The following DYNC2H1 variants were observed in gnomAD, a reference collection of about 807,000 sequenced individuals.
DYNC2H1 encodes the protein cytoplasmic dynein 2 heavy chain 1.
In DYNC2H1, 410 loss-of-function variants were observed where a neutral mutation model predicts 570.0. The ratio of observed to expected loss-of-function variants is 0.72; its 90% confidence interval spans 0.66 to 0.78. DYNC2H1 has a LOEUF of 0.78. Among genes scored for constraint, DYNC2H1 ranks in the 30% least tolerant of loss-of-function variants. DYNC2H1 has a pLI of 0.00. For missense variants in DYNC2H1, 4,865 were observed against 5,046.4 expected (o/e 0.96, Z 1.09); for synonymous variants, 1,688 against 1,677.6 (o/e 1.01, Z -0.15).
chr11:103,115,790 A>C (rs1858358004), intron 4 of DYNC2H1, among the ~76,000 whole-genome samples: 1 of 152,194 alleles, frequency 6.6e-6, no homozygotes, highest in African/African-American at 2.4e-5. Flanking sequence ...CATCTCTAGA[A>C]AAAAACAAAA....
chr11:103,476,360 T>A (rs1409373502), intron 88 of DYNC2H1, among the ~76,000 whole-genome samples: 3 of 152,204 alleles, frequency 2.0e-5, no homozygotes, highest in African/African-American at 4.8e-5. Flanking sequence ...GTATATATTT[T>A]CCCAAAACTT....
intron 82 of DYNC2H1, among the ~76,000 whole-genome samples, chr11:103,344,084 C>T (rs1019480648): frequency 2.0e-5 from 3 of 152,196 alleles, no homozygotes; most frequent in African/African-American, 7.2e-5. Flanking sequence ...AACTTTGGTG[C>T]AGACCCTTTT....
chr11:103,396,180 T>G (rs1261470907), intron 83 of DYNC2H1, among the ~76,000 whole-genome samples: 1 of 152,220 alleles, frequency 6.6e-6, no homozygotes, highest in Non-Finnish European at 1.5e-5. Context: ...TGAATTTCAC[T>G]GAGTCACATA....
chr11:103,152,113 G>GTTTTTTT, intron 20 of DYNC2H1, 23 bp from the exon 21 acceptor site: 2 of 1,369,196 alleles, frequency 1.5e-6, no homozygotes, highest in East Asian at 2.5e-5. Flanking sequence ...TATTCAATTT[G>GTTTTTTT]TTTTTTTTTT....
intron 31 of DYNC2H1, among the ~76,000 whole-genome samples, chr11:103,167,416 T>G (rs536965543): frequency 1.3e-5 from 2 of 152,130 alleles, no homozygotes; most frequent in South Asian, 4.1e-4. Flanking sequence ...TACAGACATG[T>G]GTCATCATGG....
intron 48 of DYNC2H1, 26 bp downstream of exon 48, chr11:103,198,089 C>A (rs1007424466): frequency 6.5e-7 from 1 of 1,546,152 alleles, no homozygotes; most frequent in Admixed American, 2.0e-5. Context: ...TTAATTGGAA[C>A]TGGGATTTGG....
At chr11:103,135,093 C>A (rs890412889) in intron 15 of DYNC2H1, among the ~76,000 whole-genome samples, 2 of 151,720 alleles carry the variant, frequency 1.3e-5, no homozygotes, top group Non-Finnish European at 2.9e-5. Flanking sequence ...TTTTAAAATA[C>A]GTAGTAGATT....
intron 85 of DYNC2H1, among the ~76,000 whole-genome samples, chr11:103,448,881 A>G (rs1345082262): frequency 1.3e-5 from 2 of 151,986 alleles, no homozygotes; most frequent in African/African-American, 2.4e-5. Context: ...AATTCCAGGT[A>G]TAAAACTATA....
intron 82 of DYNC2H1, among the ~76,000 whole-genome samples, chr11:103,328,139 T>C (rs571380550): frequency 3.0e-4 from 45 of 152,346 alleles, no homozygotes; most frequent in African/African-American, 1.0e-3. Context: ...TGCCTTAGTA[T>C]TCCAATTTTT....
At chr11:103,253,922 T>C (rs1864940022) in intron 66 of DYNC2H1, among the ~76,000 whole-genome samples, 1 of 152,134 alleles carries the variant, frequency 6.6e-6, no homozygotes, top group Non-Finnish European at 1.5e-5. Flanking sequence ...TTCAGAATTA[T>C]TACATAAATT....
At chr11:103,180,983 C>T (rs1039957502) in intron 39 of DYNC2H1, among the ~76,000 whole-genome samples, 1 of 151,266 alleles carries the variant, frequency 6.6e-6, no homozygotes. Flanking sequence ...TGACAAAAAT[C>T]GTGAGGTCTT....
Position 103,209,926 on chromosome 11 carries a change from T to C in DYNC2H1, c.8505T>C (p.Asp2835=), listed in dbSNP as rs1212781685. Residue 2835 remains aspartate (D), a synonymous_variant, in exon 53 of 89, where the codon GAT becomes GAC. Transcript: ENST00000375735. This position sits in a 1 kb window ranked among gnomAD's most constrained non-coding sequence, Gnocchi z 4.2. Reference sequence around the variant, plus strand: ...CAGGTGGTGGAGAAAAATACAATGATAAAAAACGAAAAGAAGAAAAGAAAA... The same window carrying C: ...CAGGTGGTGGAGAAAAATACAATGACAAAAAACGAAAAGAAGAAAAGAAAA... ...SETGGGEKYN[D]KKRKEEKKKN... 8.7e-6 allele frequency: 13 copies of C among 1,501,012 alleles called. No homozygotes were observed. Among genetic ancestry groups the C allele is most frequent in the Non-Finnish European group, 8.9e-6 (10 of 1,123,402 alleles). 93.0% of individuals were successfully genotyped at this position (1,501,012 alleles called of 1,614,324 possible).
rs979288548 is a variant in DYNC2H1, at chr11:103,256,445, T to C, written c.10461+205T>C. ...GCACACTGAGGATAAGGAGTGTTTG[T>C]CAGTATACCCTGCTGCCTTCTACTG... On this transcript the variant is annotated intron_variant, in intron 68 of 88. Transcript: ENST00000375735. This position sits in a 1 kb window ranked among gnomAD's most constrained non-coding sequence, Gnocchi z 4.0. Among the ~76,000 whole-genome samples the C allele has an allele frequency of 6.6e-6, 1 of 152,152 alleles. No homozygotes were observed. Among genetic ancestry groups the C allele is most frequent in the Non-Finnish European group, 1.5e-5 (1 of 67,998 alleles).
At position 103,203,600 on chromosome 11, in the gene DYNC2H1, T is replaced by C. The variant is rs1370216250; in HGVS notation, c.8198-63T>C. On this transcript the variant is annotated intron_variant, in intron 50 of 88. Coordinates refer to ENST00000375735, the MANE Select transcript of DYNC2H1 (RefSeq NM_001377.3). The surrounding 1 kb of genome is among the most constrained non-coding windows in gnomAD (Gnocchi z 4.7). ...GATTGAATAAGAGCAGATTTTTAAATACAAAAATTGAAAAAGCATCATTTA... is the reference window on the plus strand; with the variant it reads ...GATTGAATAAGAGCAGATTTTTAAACACAAAAATTGAAAAAGCATCATTTA... 3.7e-6 allele frequency: 4 copies of C among 1,079,708 alleles called. No homozygotes were observed. The highest frequency in any genetic ancestry group is 3.9e-6 in the Non-Finnish European group (3 of 760,510). 66.9% of individuals were successfully genotyped at this position (1,079,708 alleles called of 1,614,324 possible).
intron 70 of DYNC2H1, among the ~76,000 whole-genome samples, chr11:103,271,180 TTA>T (rs1865696867): frequency 1.3e-5 from 2 of 152,218 alleles, no homozygotes; most frequent in African/African-American, 4.8e-5. Flanking sequence ...TTAGTTTTTC[TTA>T]TATGAAAAAG....
intron 87 of DYNC2H1, among the ~76,000 whole-genome samples, chr11:103,466,521 T>C (rs759020917): frequency 6.6e-6 from 1 of 152,158 alleles, no homozygotes; most frequent in Non-Finnish European, 1.5e-5. Context: ...GATTAGTACT[T>C]AAAACAGATA....
rs372878677 is a variant in DYNC2H1, at chr11:103,479,160, G to A, written c.12831G>A (p.Arg4277=). 1.6e-5 allele frequency: 26 copies of A among 1,613,740 alleles called. No individual in the cohort carries two copies. The highest frequency in any genetic ancestry group is 2.1e-5 in the Non-Finnish European group (25 of 1,179,762). ...TGCCTGTTTACACAAGTGCTGAAAG[G>A]GATCGTGTGGTTACCAATATTGATG... ...ISLPVYTSAE[R]DRVVTNIDVP... Residue 4277 remains arginine (R), a synonymous_variant, in exon 89 of 89, where the codon AGG becomes AGA. Coordinates refer to ENST00000375735, the MANE Select transcript of DYNC2H1 (RefSeq NM_001377.3).
intron 17 of DYNC2H1, among the ~76,000 whole-genome samples, chr11:103,141,897 C>G (rs1027105233): frequency 6.6e-6 from 1 of 152,220 alleles, no homozygotes; most frequent in Non-Finnish European, 1.5e-5. Flanking sequence ...TTTACCTAAG[C>G]AAGCCTGGGC....
rs532070854 is a variant in DYNC2H1, at chr11:103,154,240, A to G, written c.3303-211A>G. 7.9e-5 allele frequency among the ~76,000 whole-genome samples: 12 copies of G among 152,156 alleles called. No homozygotes were observed. In the East Asian group the frequency reaches 2.3e-3, roughly 29 times the overall value. On this transcript the variant is annotated intron_variant, in intron 22 of 88. Coordinates refer to ENST00000375735, the MANE Select transcript of DYNC2H1 (RefSeq NM_001377.3). ...ATTAATGAATTTATAGAGTTCATAT[A>G]TGAGTAGGTAAAGTAAAATTCTCAT...
Sources: allele counts gnomAD v4.1 joint callset (sites outside exome capture counted in the v4.1 genomes callset), GRCh38; gene constraint gnomAD v4.1.1; non-coding constraint Gnocchi (gnomAD v3.1); transcripts MANE v1.5; gene names NCBI Gene and HGNC (gene_info 2026-07-23, HGNC 2026-07-21).